The following RUNX2 variants were observed in gnomAD, a reference collection of about 807,000 sequenced individuals.
RUNX2 encodes runt-related transcription factor 2.
RUNX2 carries 10 observed loss-of-function variants against 51.7 expected under a neutral mutation model. The ratio of observed to expected loss-of-function variants is 0.19; its 90% confidence interval spans 0.12 to 0.33. The LOEUF (loss-of-function observed/expected upper bound fraction) is 0.33, where lower values mean the gene tolerates loss of function less well. Among genes scored for constraint, RUNX2 ranks in the 10% least tolerant of loss-of-function variants. The pLI, the probability that RUNX2 is intolerant of heterozygous loss-of-function variation, is 1.00. For missense variants in RUNX2, 562 were observed against 691.3 expected (o/e 0.81, Z 2.10); for synonymous variants, 276 against 273.6 (o/e 1.01, Z -0.09).
intron 2 of RUNX2, chr6:45,420,954 G>A (rs997447563): frequency 6.6e-6 from 1 of 152,054 alleles, no homozygotes; most frequent in Admixed American, 6.6e-5. Flanking sequence ...CCACATTTTA[G>A]GTAAAAAGTG....
intron 2 of RUNX2, among the ~76,000 whole-genome samples, chr6:45,402,865 T>C (rs79371566): frequency 0.013 from 1,938 of 152,270 alleles, 42 homozygotes; most frequent in African/African-American, 0.044. Context: ...AGAGCAAGAC[T>C]CTGTCTCAAC....
intron 7 of RUNX2, among the ~76,000 whole-genome samples, chr6:45,539,957 A>T (rs967088601): frequency 3.3e-5 from 5 of 152,222 alleles, no homozygotes; most frequent in Non-Finnish European, 5.9e-5. Flanking sequence ...ATGAAATATT[A>T]TGGTAAGAAT....
chr6:45,404,013 A>T (rs1797776880), intron 2 of RUNX2, among the ~76,000 whole-genome samples: 1 of 152,102 alleles, frequency 6.6e-6, no homozygotes. Flanking sequence ...TAATCCCATC[A>T]CTTTGGGAGG....
intron 2 of RUNX2, among the ~76,000 whole-genome samples, chr6:45,384,664 T>A (rs1410020816): frequency 1.3e-5 from 2 of 150,894 alleles, no homozygotes. Context: ...CATAGTACTA[T>A]TAAACACAAA....
intron 2 of RUNX2, chr6:45,377,947 G>A (rs1293470311): frequency 2.0e-5 from 3 of 152,368 alleles, no homozygotes; most frequent in African/African-American, 7.3e-5. Context: ...CGGGGCGATG[G>A]GGGGGGTACA....
intron 5 of RUNX2, among the ~76,000 whole-genome samples, chr6:45,459,416 G>C (rs188115263): frequency 1.6e-4 from 24 of 152,308 alleles, no homozygotes; most frequent in Admixed American, 1.4e-3. Flanking sequence ...CTGAGCACCT[G>C]CTGTGTGCCT....
intron 7 of RUNX2, among the ~76,000 whole-genome samples, chr6:45,526,055 C>T (rs1234058412): frequency 2.0e-5 from 3 of 151,632 alleles, no homozygotes; most frequent in Middle Eastern, 3.2e-3. Flanking sequence ...AGCATTTAAT[C>T]GAAGAACTAA....
In RUNX2 at chr6:45,545,242, C is replaced by A. The variant is rs1802362386; in HGVS notation, c.1047C>A (p.Phe349Leu). The A allele has an allele frequency of 4.5e-6, 7 of 1,550,262 alleles. No homozygotes were observed. The highest frequency in any genetic ancestry group is 6.1e-6 in the Non-Finnish European group (7 of 1,146,906). Reference sequence around the variant, plus strand: ...ATGATGACACTGCCACCTCTGACTTCTGCCTCTGGCCTTCCACTCTCAGTA... The same window carrying A: ...ATGATGACACTGCCACCTCTGACTTATGCCTCTGGCCTTCCACTCTCAGTA... ...ISDDDTATSD[F>L]CLWPSTLSKK... is the part of the protein sequence containing the mutation. Residue 349 changes from phenylalanine to leucine, a missense_variant, in exon 8 of 9, where the codon TTC (phenylalanine) becomes TTA (leucine). Physicochemically the swap from Phe to Leu is conservative, Grantham distance 22. Transcript: ENST00000647337.
intron 2 of RUNX2, among the ~76,000 whole-genome samples, chr6:45,352,237 C>T (rs1254714879): frequency 2.6e-5 from 4 of 152,128 alleles, no homozygotes; most frequent in Non-Finnish European, 4.4e-5. Context: ...GTCTACCTGA[C>T]AATTTCAGCC....
intron 6 of RUNX2, 67 bp from the exon 7 acceptor site, chr6:45,512,179 T>C: frequency 1.3e-6 from 2 of 1,525,948 alleles, no homozygotes; most frequent in Non-Finnish European, 1.8e-6. Flanking sequence ...TTTCTGAGTT[T>C]TGGGTTGCAT....
Position 45,548,977 on chromosome 6 carries a change from C to T in RUNX2, c.*1672C>T, listed in dbSNP as rs1416237428. 8 of 396,730 alleles carry T rather than the reference C, an allele frequency of 2.0e-5. No homozygotes were observed. Among genetic ancestry groups the T allele is most frequent in the Non-Finnish European group, 3.1e-5 (7 of 225,222 alleles). 24.6% of individuals were successfully genotyped at this position (396,730 alleles called of 1,614,324 possible). A position where few individuals can be genotyped will look rare whatever the true frequency, so the allele number is the denominator to read the frequency against. On this transcript the variant is annotated 3_prime_UTR_variant, in exon 9 of 9. Coordinates refer to ENST00000647337, the MANE Select transcript of RUNX2 (RefSeq NM_001024630.4). ...CTGAGCTGAGAGGACATATGGCCCACGGGGACCTACAGACAGCCTTTGACA... is the reference window on the plus strand; with the variant it reads ...CTGAGCTGAGAGGACATATGGCCCATGGGGACCTACAGACAGCCTTTGACA...
At position 45,478,638 on chromosome 6, in the gene RUNX2, A is replaced by ATGTG. The variant is rs35909968; in HGVS notation, c.686-13281_686-13278dup. Among the ~76,000 whole-genome samples the ATGTG allele has an allele frequency of 1.2e-3, 185 of 149,442 alleles. 1 individual carries two copies. The highest frequency in any genetic ancestry group is 4.2e-3 in the African/African-American group (173 of 40,898). On this transcript the variant is annotated intron_variant, in intron 5 of 8. Transcript: ENST00000647337. ...CATTAAGTTCACTAATTGTGTGTAA[A>ATGTG]TGTGTGTGTGTGTGTGTGTGTGTGT... is the stretch of plus-strand genomic sequence containing the variant.
chr6:45,419,800 G>A (rs2150360391), intron 2 of RUNX2, among the ~76,000 whole-genome samples: 1 of 152,308 alleles, frequency 6.6e-6, no homozygotes. Context: ...GCGGCGCCCG[G>A]GCTGGGAGGC....
chr6:45,510,113 G>A (rs1228368958), intron 6 of RUNX2, among the ~76,000 whole-genome samples: 2 of 152,176 alleles, frequency 1.3e-5, no homozygotes, highest in African/African-American at 2.4e-5. Flanking sequence ...ATGGTGTAAG[G>A]CAAGGAAGTA....
intron 2 of RUNX2, among the ~76,000 whole-genome samples, chr6:45,397,124 G>T (rs951557948): frequency 2.0e-5 from 3 of 146,976 alleles, no homozygotes; most frequent in Admixed American, 1.4e-4. Context: ...TTTTTTTTGA[G>T]ACTGAGTCTC....
chr6:45,541,156 A>G (rs1346261995), intron 7 of RUNX2, among the ~76,000 whole-genome samples: 1 of 151,218 alleles, frequency 6.6e-6, no homozygotes, highest in Admixed American at 6.6e-5. Context: ...CCATCCAACC[A>G]TGCACTGACA....
chr6:45,408,183 T>G, intron 2 of RUNX2, among the ~76,000 whole-genome samples: 1 of 151,720 alleles, frequency 6.6e-6, no homozygotes, highest in East Asian at 2.0e-4. Context: ...TATTTTTTTT[T>G]GAGACAGAGT....
chr6:45,388,643 G>A (rs777817988), intron 2 of RUNX2, among the ~76,000 whole-genome samples: 1 of 152,048 alleles, frequency 6.6e-6, no homozygotes, highest in Non-Finnish European at 1.5e-5. Flanking sequence ...CACAAACTAT[G>A]TTACTCAACC....
At chr6:45,479,056 T>C (rs1800038017) in intron 5 of RUNX2, among the ~76,000 whole-genome samples, 1 of 152,058 alleles carries the variant, frequency 6.6e-6, no homozygotes, top group African/African-American at 2.4e-5. Context: ...AGACTTTCTG[T>C]GTTGAATTGC....
Sources: gnomAD v4.1 joint callset for allele counts (sites outside exome capture counted in the v4.1 genomes callset) on GRCh38, gnomAD v4.1.1 for gene constraint, MANE v1.5 for transcripts, NCBI Gene and HGNC (gene_info 2026-07-23, HGNC 2026-07-21) for gene names.